Variants in MTMR7 observed in about 807,000 individuals in gnomAD.
MTMR7 encodes myotubularin related protein 7.
A neutral mutation model predicts 81.2 loss-of-function variants in MTMR7; 76 were observed. The observed-to-expected ratio is 0.94, with a 90% CI of 0.78 to 1.13. The LOEUF (loss-of-function observed/expected upper bound fraction) is 1.13, where lower values mean the gene tolerates loss of function less well. Among genes scored for constraint, MTMR7 ranks in the 50% most tolerant of loss-of-function variants. The pLI is 0.00. For synonymous variants in MTMR7, 372 were observed against 289.8 expected, an observed-to-expected ratio of 1.28 and a Z score of -2.88; for missense variants, 1,044 against 820.0, an observed-to-expected ratio of 1.27 and a Z score of -3.34.
chr8:17,302,441 A>G (rs1201136233), intron 12 of MTMR7, 161 bp from the exon 13 acceptor site: 3 of 741,858 alleles, frequency 4.0e-6, no homozygotes, highest in African/African-American at 1.8e-5. Flanking sequence ...TTTCATGTTG[A>G]TGTTTTTTTT....
chr8:17,336,771 G>A (rs1006838451), intron 6 of MTMR7, among the ~76,000 whole-genome samples: 15 of 152,142 alleles, frequency 9.9e-5, no homozygotes, highest in Admixed American at 4.6e-4. Context: ...CCCTGGCTGC[G>A]TCAGAGGAGC....
chr8:17,308,918 G>A (rs1320046977), intron 10 of MTMR7, among the ~76,000 whole-genome samples: 3 of 152,146 alleles, frequency 2.0e-5, no homozygotes, highest in Non-Finnish European at 2.9e-5. Flanking sequence ...ACTGTTCCAC[G>A]GGCAGTTCAC....
At chr8:17,322,914 C>A (rs915785532) in intron 7 of MTMR7, among the ~76,000 whole-genome samples, 8 of 151,482 alleles carry the variant, frequency 5.3e-5, no homozygotes, top group African/African-American at 7.3e-5. Flanking sequence ...TCTTAATGAA[C>A]CTTCACAACC....
At chr8:17,361,367 G>A in intron 3 of MTMR7, 93 bp from the exon 4 acceptor site, 5 of 1,434,588 alleles carry the variant, frequency 3.5e-6, no homozygotes, top group South Asian at 1.2e-5. Context: ...GGAGTGCCCA[G>A]AGAGGCCATC....
At chr8:17,405,579 C>T (rs969102852) in intron 1 of MTMR7, among the ~76,000 whole-genome samples, 1 of 151,906 alleles carries the variant, frequency 6.6e-6, no homozygotes, top group Non-Finnish European at 1.5e-5. Context: ...ATAAATATGC[C>T]CTCTGCTACT....
At chr8:17,412,717 A>G (rs940026917) in intron 1 of MTMR7, among the ~76,000 whole-genome samples, 2 of 152,168 alleles carry the variant, frequency 1.3e-5, no homozygotes, top group South Asian at 2.1e-4. Context: ...TCAACCTACA[A>G]TGAATATTGA....
intron 1 of MTMR7, among the ~76,000 whole-genome samples, 174 bp downstream of exon 1, chr8:17,413,095 C>G (rs1821780611): frequency 6.6e-6 from 1 of 152,188 alleles, no homozygotes. Flanking sequence ...AGCAAGAGAA[C>G]GACCGGGCTC....
At chr8:17,406,085 A>C (rs1821574190) in intron 1 of MTMR7, among the ~76,000 whole-genome samples, 1 of 152,174 alleles carries the variant, frequency 6.6e-6, no homozygotes, top group African/African-American at 2.4e-5. Flanking sequence ...TAATCAGAAA[A>C]AGGCTTTCTA....
intron 5 of MTMR7, among the ~76,000 whole-genome samples, chr8:17,348,145 T>A (rs1819616485): frequency 6.6e-6 from 1 of 152,218 alleles, no homozygotes; most frequent in Non-Finnish European, 1.5e-5. Flanking sequence ...ACAAACCCAA[T>A]TCTGGCTTTT....
At chr8:17,337,042 C>T (rs968828161) in intron 6 of MTMR7, among the ~76,000 whole-genome samples, 6 of 152,124 alleles carry the variant, frequency 3.9e-5, no homozygotes, top group African/African-American at 1.4e-4. Context: ...AAACAAAACC[C>T]TCCTAACTTG....
intron 3 of MTMR7, among the ~76,000 whole-genome samples, chr8:17,365,602 G>A (rs1820201749): frequency 6.6e-6 from 1 of 152,122 alleles, no homozygotes; most frequent in African/African-American, 2.4e-5. Flanking sequence ...GTGCAACGAA[G>A]GCCTCACCCT....
Position 17,355,821 on chromosome 8 carries a change from A to G in MTMR7, c.468+5296T>C, listed in dbSNP as rs372779659. Among the ~76,000 whole-genome samples the G allele has an allele frequency of 1.1e-4, 17 of 152,390 alleles. No homozygotes were observed. In the East Asian group the frequency reaches 2.9e-3, roughly 26 times the overall value. On this transcript the variant is annotated intron_variant, in intron 4 of 13. Transcript: ENST00000180173. ...ACAGAAGAGTCAACATGAACAGCCA[A>G]GAAACACAAGCTTAACCTCACTAGT...
chr8:17,317,324 G>A (rs1403164028), intron 7 of MTMR7, among the ~76,000 whole-genome samples: 2 of 152,182 alleles, frequency 1.3e-5, no homozygotes, highest in African/African-American at 2.4e-5. Context: ...TGTAACATCT[G>A]CGAGTCCTTT....
At chr8:17,300,311 C>G in intron 13 of MTMR7, 87 bp from the exon 14 acceptor site, 1 of 1,347,742 alleles carries the variant, frequency 7.4e-7, no homozygotes, top group Non-Finnish European at 1.0e-6. Context: ...TTGTTACCTC[C>G]CACGTGGGTA....
At chr8:17,363,005 T>A (rs1267005724) in intron 3 of MTMR7, among the ~76,000 whole-genome samples, 1 of 152,260 alleles carries the variant, frequency 6.6e-6, no homozygotes, top group East Asian at 1.9e-4. Flanking sequence ...TCTATTTCAG[T>A]CTTTCTCCAT....
chr8:17,359,687 A>C (rs1301582474), intron 4 of MTMR7, among the ~76,000 whole-genome samples: 1 of 152,156 alleles, frequency 6.6e-6, no homozygotes, highest in East Asian at 1.9e-4. Context: ...AGGAGATAAA[A>C]TACAAATGGT....
intron 13 of MTMR7, 91 bp downstream of exon 13, chr8:17,302,063 G>T: frequency 6.6e-7 from 1 of 1,519,638 alleles, no homozygotes. Context: ...TGAAATATTT[G>T]TATTGCACTG....
intron 1 of MTMR7, among the ~76,000 whole-genome samples, chr8:17,384,701 C>T (rs535800132): frequency 6.6e-6 from 1 of 152,160 alleles, no homozygotes; most frequent in East Asian, 1.9e-4. Context: ...AAAAAGAAAG[C>T]ACTTTTTTCC....
intron 5 of MTMR7, chr8:17,346,247 C>A (rs1819547965): frequency 6.6e-6 from 1 of 152,062 alleles, no homozygotes; most frequent in Non-Finnish European, 1.5e-5. Flanking sequence ...ATTATTCCAC[C>A]TGCAAAATAG....
Sources: allele counts gnomAD v4.1 joint callset (sites outside exome capture counted in the v4.1 genomes callset), GRCh38; gene constraint gnomAD v4.1.1; transcripts MANE v1.5; gene names NCBI Gene and HGNC (gene_info 2026-07-23, HGNC 2026-07-21).